The following RGS22 variants were observed in gnomAD, a reference collection of about 807,000 sequenced individuals.
RGS22 encodes the protein regulator of G-protein signaling 22.
RGS22 carries 148 observed loss-of-function variants against 172.9 expected under a neutral mutation model. The observed-to-expected ratio is 0.86, with a 90% CI of 0.75 to 0.98. The LOEUF (loss-of-function observed/expected upper bound fraction) is 0.98. RGS22 is among the 50% of genes least tolerant of loss of function. The pLI is 0.00. For missense variants in RGS22, 1,347 were observed against 1,440.8 expected (o/e 0.93, Z 1.05); for synonymous variants, 458 against 480.2 (o/e 0.95, Z 0.60).
intron 23 of RGS22, among the ~76,000 whole-genome samples, chr8:99,973,104 G>A (rs558023000): frequency 1.9e-4 from 29 of 152,220 alleles, no homozygotes; most frequent in African/African-American, 6.7e-4. Context: ...AAGACAGTAT[G>A]GTGATTCCTC....
At chr8:99,974,534 T>A (rs527473554) in intron 23 of RGS22, among the ~76,000 whole-genome samples, 34 of 152,310 alleles carry the variant, frequency 2.2e-4, no homozygotes, top group South Asian at 1.2e-3. Flanking sequence ...GTGCAGTGGC[T>A]CATGCCTGTA....
intron 3 of RGS22, among the ~76,000 whole-genome samples, chr8:100,089,813 T>C (rs952922958): frequency 3.3e-5 from 5 of 152,154 alleles, no homozygotes; most frequent in African/African-American, 1.2e-4. Flanking sequence ...CAGATTCTCT[T>C]ATCCAAATCA....
At chr8:99,962,595 T>G in intron 26 of RGS22, 92 bp downstream of exon 26, 1 of 1,425,472 alleles carries the variant, frequency 7.0e-7, no homozygotes, top group Non-Finnish European at 9.7e-7. Flanking sequence ...TCCTCACCCC[T>G]TCCTCCCTGT....
intron 14 of RGS22, among the ~76,000 whole-genome samples, chr8:100,026,561 CATAGAA>C (rs1293321044): frequency 6.6e-6 from 1 of 152,184 alleles, no homozygotes; most frequent in African/African-American, 2.4e-5. Context: ...GTGACTTCTT[CATAGAA>C]ATAGAAGGAG....
chr8:99,989,905 T>G (rs866232366), intron 20 of RGS22, among the ~76,000 whole-genome samples: 6 of 144,460 alleles, frequency 4.2e-5, no homozygotes, highest in Admixed American at 6.9e-5. Context: ...GATAGATAGA[T>G]ATAGATAGAT....
At chr8:100,018,589 C>G (rs1817266849) in intron 14 of RGS22, among the ~76,000 whole-genome samples, 2 of 152,136 alleles carry the variant, frequency 1.3e-5, no homozygotes, top group Admixed American at 1.3e-4. Context: ...AACAAATATT[C>G]CTGTTTGCAT....
chr8:100,028,603 T>A (rs1563636606), intron 14 of RGS22, among the ~76,000 whole-genome samples: 1 of 152,220 alleles, frequency 6.6e-6, no homozygotes, highest in Non-Finnish European at 1.5e-5. Context: ...CTTGTCTAAT[T>A]TCTCATCTTG....
intron 21 of RGS22, among the ~76,000 whole-genome samples, chr8:99,983,140 T>A (rs1434649678): frequency 6.6e-6 from 1 of 152,190 alleles, no homozygotes; most frequent in Admixed American, 6.5e-5. Flanking sequence ...CATGATTTCA[T>A]TTTTTTATGG....
At position 99,975,604 on chromosome 8, in the gene RGS22, C is replaced by CAA. The variant is rs201476595; in HGVS notation, c.3519+2311_3519+2312dup. Among the ~76,000 whole-genome samples, 504 of 136,048 alleles carry CAA rather than the reference C, an allele frequency of 3.7e-3. 4 individuals are homozygous for CAA. Among genetic ancestry groups the CAA allele is most frequent in the African/African-American group, 0.012 (467 of 37,490 alleles). 89.3% of individuals were successfully genotyped at this position (136,048 alleles called of 152,430 possible). A position where few individuals can be genotyped will look rare whatever the true frequency, so the allele number is the denominator to read the frequency against. On this transcript the variant is annotated intron_variant, in intron 23 of 27. Transcript: ENST00000360863. ...ATTGCCATTAAAATAATTAGATGAC[C>CAA]AAAAAAAAAAAAGAAATTTGGGTCA...
At chr8:100,074,022 C>G (rs1321403157) in intron 4 of RGS22, among the ~76,000 whole-genome samples, 1 of 151,930 alleles carries the variant, frequency 6.6e-6, no homozygotes, top group Non-Finnish European at 1.5e-5. Flanking sequence ...TTATAAGAAA[C>G]ACAAAAAGAA....
chr8:100,035,485 A>C (rs2131569119), intron 14 of RGS22, among the ~76,000 whole-genome samples: 1 of 152,356 alleles, frequency 6.6e-6, no homozygotes, highest in African/African-American at 2.4e-5. Flanking sequence ...GATGTGGAGA[A>C]ATAGAAATGC....
chr8:100,068,199 G>A (rs1810676617), intron 6 of RGS22, among the ~76,000 whole-genome samples: 1 of 151,972 alleles, frequency 6.6e-6, no homozygotes, highest in Admixed American at 6.6e-5. Context: ...GACCAGTCTG[G>A]GCAACATAGA....
At chr8:99,970,511 A>C (rs1479989402) in intron 23 of RGS22, among the ~76,000 whole-genome samples, 1 of 152,190 alleles carries the variant, frequency 6.6e-6, no homozygotes, top group Admixed American at 6.5e-5. Context: ...AAGAGAGAAG[A>C]ATCAAATAGA....
chr8:100,093,389 T>G (rs1381608769), intron 3 of RGS22, 58 bp downstream of exon 3: 2 of 996,620 alleles, frequency 2.0e-6, no homozygotes, highest in African/African-American at 3.3e-5. Flanking sequence ...GATAACCCAG[T>G]GATTAAAATA....
At chr8:100,008,301 G>C (rs1380001950) in intron 15 of RGS22, 74 bp downstream of exon 15, 1 of 1,413,674 alleles carries the variant, frequency 7.1e-7, no homozygotes, top group East Asian at 2.4e-5. Context: ...GCCTCCCAAA[G>C]TGCTGGGATA....
rs2131355245 is a variant in RGS22 at position 100,006,048 on chromosome 8, A to G, written c.2423T>C (p.Leu808Ser). Residue 808 changes from leucine to serine, a missense_variant, in exon 16 of 28, where the codon TTG becomes TCG. Physicochemically the swap from Leu to Ser is moderately radical, Grantham distance 145. Transcript: ENST00000360863. ...TTTCTTGGAAAATGTCTCTTTATGCAAAGCCTGTAGCTTTCTGAAGTATGT... is the reference window on the plus strand; with the variant it reads ...TTTCTTGGAAAATGTCTCTTTATGCGAAGCCTGTAGCTTTCTGAAGTATGT... Reference protein sequence around the residue: ...DSTYFRKLQALHKETFSKKAE... With the variant: ...DSTYFRKLQASHKETFSKKAE... 1 of 1,613,392 alleles carries G rather than the reference A, an allele frequency of 6.2e-7. No individual in the cohort carries two copies. Among genetic ancestry groups the G allele is most frequent in the South Asian group, 1.1e-5 (1 of 90,938 alleles).
At chr8:99,989,768 C>G (rs1415766211) in intron 20 of RGS22, among the ~76,000 whole-genome samples, 11 of 152,092 alleles carry the variant, frequency 7.2e-5, no homozygotes, top group Admixed American at 7.2e-4. Context: ...TTGCTTGAAC[C>G]TGGGAGGCAG....
intron 2 of RGS22, among the ~76,000 whole-genome samples, chr8:100,095,766 T>G (rs2132015947): frequency 1.3e-5 from 2 of 152,354 alleles, no homozygotes; most frequent in Middle Eastern, 6.8e-3. Flanking sequence ...TTCAGTCATA[T>G]CCTTTGGTTT....
At chr8:100,086,973 T>C (rs895859624) in intron 3 of RGS22, among the ~76,000 whole-genome samples, 1 of 152,136 alleles carries the variant, frequency 6.6e-6, no homozygotes, top group Non-Finnish European at 1.5e-5. Context: ...TATTCATATA[T>C]GAGGTGGTGC....
Sources: allele counts gnomAD v4.1 joint callset (sites outside exome capture counted in the v4.1 genomes callset), GRCh38; gene constraint gnomAD v4.1.1; transcripts MANE v1.5; gene names NCBI Gene and HGNC (gene_info 2026-07-23, HGNC 2026-07-21).